ZBTB7C: variants seen among roughly 807,000 people sequenced by gnomAD.
ZBTB7C encodes the protein zinc finger and BTB domain containing 7C.
ZBTB7C carries 8 observed loss-of-function variants against 25.7 expected under a neutral mutation model. The ratio of observed to expected loss-of-function variants is 0.31; its 90% CI spans 0.18 to 0.56. The LOEUF (loss-of-function observed/expected upper bound fraction) is 0.56, where lower values mean the gene tolerates loss of function less well. ZBTB7C is among the 20% of genes least tolerant of loss of function. ZBTB7C has a pLI of 0.91. For missense variants in ZBTB7C, 824 were observed against 855.2 expected, an observed-to-expected ratio of 0.96 and a Z score of 0.46; for synonymous variants, 394 against 369.0, an observed-to-expected ratio of 1.07 and a Z score of -0.78.
chr18:48,367,283 A>ATGTAT (rs1568404252), intron 1 of ZBTB7C, among the ~76,000 whole-genome samples: 38 of 116,816 alleles, frequency 3.3e-4, no homozygotes, highest in Non-Finnish European at 4.8e-4. Flanking sequence ...TGTATATGTA[A>ATGTAT]ATATGTATCT....
chr18:48,291,097 C>T (rs1408056025), intron 2 of ZBTB7C, among the ~76,000 whole-genome samples: 1 of 152,238 alleles, frequency 6.6e-6, no homozygotes, highest in Non-Finnish European at 1.5e-5. Flanking sequence ...GGACATCATC[C>T]TTCAAATGCA....
intron 2 of ZBTB7C, among the ~76,000 whole-genome samples, chr18:48,230,663 G>T (rs151071989): frequency 6.6e-6 from 1 of 152,190 alleles, no homozygotes; most frequent in African/African-American, 2.4e-5. Flanking sequence ...CTGGTGCAAG[G>T]ATGTGAGCTG....
chr18:48,085,036 T>C (rs2038142532), intron 3 of ZBTB7C, among the ~76,000 whole-genome samples: 3 of 152,136 alleles, frequency 2.0e-5, no homozygotes, highest in African/African-American at 4.8e-5. Context: ...CCGGGAATGG[T>C]GTCATTAACA....
upstream of ZBTB7C, among the ~76,000 whole-genome samples, chr18:48,410,147 G>A (rs2048367012): frequency 6.6e-6 from 1 of 152,208 alleles, no homozygotes; most frequent in South Asian, 2.1e-4. Context: ...GTGGGGGCGA[G>A]AAGTTAAGTT....
intron 3 of ZBTB7C, among the ~76,000 whole-genome samples, chr18:48,072,037 T>G (rs1361958644): frequency 2.6e-5 from 4 of 152,226 alleles, no homozygotes; most frequent in African/African-American, 9.6e-5. Context: ...CATTACACTG[T>G]GAATACACTT....
intron 3 of ZBTB7C, among the ~76,000 whole-genome samples, chr18:48,103,818 T>C (rs893054485): frequency 3.3e-5 from 5 of 152,162 alleles, no homozygotes; most frequent in African/African-American, 1.2e-4. Context: ...TTATGCTAAG[T>C]GAAAGAGGCC....
At position 48,322,692 on chromosome 18, in the gene ZBTB7C, T is replaced by G. The variant is rs188397816; in HGVS notation, c.-79+15482A>C. Reference sequence around the variant, plus strand: ...CCATTTGATCCAGCAATTCCACTACTGGGTATCTACCCCGAGGAAAGTAAG... The same window carrying G: ...CCATTTGATCCAGCAATTCCACTACGGGGTATCTACCCCGAGGAAAGTAAG... On this transcript the variant is annotated intron_variant, in intron 2 of 4. Coordinates refer to ENST00000590800, the MANE Select transcript of ZBTB7C (RefSeq NM_001318841.2). Among the ~76,000 whole-genome samples, 469 of 152,340 alleles carry G rather than the reference T, an allele frequency of 3.1e-3. 3 individuals are homozygous for G. The highest frequency in any genetic ancestry group is 4.7e-3 in the Non-Finnish European group (317 of 68,040).
intron 2 of ZBTB7C, among the ~76,000 whole-genome samples, chr18:48,215,957 A>C (rs2042813009): frequency 6.6e-6 from 1 of 152,242 alleles, no homozygotes; most frequent in Non-Finnish European, 1.5e-5. Flanking sequence ...TTAATGGTAC[A>C]AAAGAGTTTG....
At chr18:48,297,103 G>C (rs199803777) in intron 2 of ZBTB7C, among the ~76,000 whole-genome samples, 2 of 152,004 alleles carry the variant, frequency 1.3e-5, no homozygotes, top group East Asian at 3.9e-4. Context: ...AAAAGGTTAG[G>C]GGCTGCTGGT....
At chr18:48,067,047 A>AGT (rs1362456658) in intron 3 of ZBTB7C, among the ~76,000 whole-genome samples, 72 of 152,348 alleles carry the variant, frequency 4.7e-4, no homozygotes, top group Non-Finnish European at 8.4e-4. Context: ...GGTTGCAGTG[A>AGT]GCCAAGATTG....
At chr18:48,291,100 C>T (rs2045217008) in intron 2 of ZBTB7C, among the ~76,000 whole-genome samples, 1 of 152,244 alleles carries the variant, frequency 6.6e-6, no homozygotes. Context: ...CATCATCCTT[C>T]AAATGCACTG....
At chr18:48,111,148 A>T (rs753907358) in intron 3 of ZBTB7C, among the ~76,000 whole-genome samples, 21 of 152,182 alleles carry the variant, frequency 1.4e-4, no homozygotes, top group Non-Finnish European at 2.5e-4. Context: ...CCCGAAACTG[A>T]TGGTGGGTTT....
chr18:48,401,718 A>G (rs2048163150), intron 1 of ZBTB7C, among the ~76,000 whole-genome samples: 1 of 152,096 alleles, frequency 6.6e-6, no homozygotes, highest in African/African-American at 2.4e-5. Context: ...TCCCTGGCTT[A>G]GGCAGCACCC....
chr18:48,075,969 G>A (rs548116297), intron 3 of ZBTB7C, among the ~76,000 whole-genome samples: 7 of 152,280 alleles, frequency 4.6e-5, no homozygotes, highest in Admixed American at 1.3e-4. Flanking sequence ...ATGTAGTACC[G>A]GGTGCCAAAG....
chr18:48,162,403 A>C, intron 3 of ZBTB7C: 1 of 456,682 alleles, frequency 2.2e-6, no homozygotes, highest in South Asian at 1.5e-5. Flanking sequence ...TGCATCTGTA[A>C]AATTGAGATA....
intron 3 of ZBTB7C, among the ~76,000 whole-genome samples, chr18:48,104,407 A>G (rs998549561): frequency 6.6e-6 from 1 of 152,186 alleles, no homozygotes; most frequent in African/African-American, 2.4e-5. Flanking sequence ...AGATGATGGC[A>G]CCATGCTCCT....
intron 1 of ZBTB7C, among the ~76,000 whole-genome samples, chr18:48,400,955 C>T (rs2048143978): frequency 6.6e-6 from 1 of 152,200 alleles, no homozygotes; most frequent in South Asian, 2.1e-4. Flanking sequence ...AAAGACCAAA[C>T]CATGCCCAGG....
chr18:48,127,658 C>G (rs185913253), intron 3 of ZBTB7C, among the ~76,000 whole-genome samples: 1 of 152,350 alleles, frequency 6.6e-6, no homozygotes, highest in East Asian at 1.9e-4. Context: ...CCACGTGAGG[C>G]TCACTCGACC....
In ZBTB7C at chr18:48,199,992, T is replaced by TTG. The variant is rs57540482; in HGVS notation, c.-78-13999_-78-13998dup. On this transcript the variant is annotated intron_variant, in intron 2 of 4. Transcript: ENST00000590800. ...CGGGTGAGAATTTGAGGAAATGTAT[T>TTG]TGTGTGTGTGTGTGTGTGTGTGTGT... Among the ~76,000 whole-genome samples the TTG allele has an allele frequency of 5.5e-3, 820 of 149,308 alleles. 5 individuals are homozygous for TTG. Among genetic ancestry groups the TTG allele is most frequent in the African/African-American group, 0.019 (763 of 40,538 alleles).
Sources: gnomAD v4.1 joint callset for allele counts (sites outside exome capture counted in the v4.1 genomes callset) on GRCh38, gnomAD v4.1.1 for gene constraint, MANE v1.5 for transcripts, NCBI Gene and HGNC (gene_info 2026-07-23, HGNC 2026-07-21) for gene names.